The following ANKIB1 variants were observed in gnomAD, a reference collection of about 807,000 sequenced individuals.
ANKIB1 encodes ankyrin repeat and IBR domain-containing protein 1.
Under a neutral mutation model 122.1 loss-of-function variants are expected in ANKIB1, and 43 were observed. That is an observed-to-expected ratio of 0.35 (90% CI 0.28 to 0.45). ANKIB1 has a LOEUF of 0.45. ANKIB1 is among the 20% of genes least tolerant of loss of function. ANKIB1 has a pLI of 1.00. For synonymous variants in ANKIB1, 390 were observed against 442.0 expected, an observed-to-expected ratio of 0.88 and a Z score of 1.48; for missense variants, 992 against 1,329.5, an observed-to-expected ratio of 0.75 and a Z score of 3.95.
chr7:92,346,439 T>C (rs1803541468), intron 7 of ANKIB1, among the ~76,000 whole-genome samples: 1 of 152,170 alleles, frequency 6.6e-6, no homozygotes, highest in Non-Finnish European at 1.5e-5. Context: ...GTTTTCCAAA[T>C]TGGAGTAAGA....
chr7:92,263,722 A>G (rs187549897), intron 1 of ANKIB1, among the ~76,000 whole-genome samples: 1 of 152,346 alleles, frequency 6.6e-6, no homozygotes, highest in East Asian at 1.9e-4. Context: ...AGTTACCATT[A>G]TAGTCATCAA....
intron 1 of ANKIB1, among the ~76,000 whole-genome samples, chr7:92,282,510 G>C (rs1026285655): frequency 2.0e-5 from 3 of 152,088 alleles, no homozygotes; most frequent in African/African-American, 7.2e-5. Context: ...CTAATTCCAA[G>C]ATAAACCCTT....
At position 92,272,423 on chromosome 7, in the gene ANKIB1, A is replaced by C. The variant is rs545246133; in HGVS notation, c.-90-22466A>C. Among the ~76,000 whole-genome samples, 3 of 152,356 alleles carry C rather than the reference A, an allele frequency of 2.0e-5. No homozygotes were observed. In the East Asian group the frequency reaches 5.8e-4, roughly 29 times the overall value. ...TTGTCGAAGGAGAGAGTAGAAGAAA[A>C]GGACAAAAAAATTACCTTTAATTGT... On this transcript the variant is annotated intron_variant, in intron 1 of 19. Coordinates refer to ENST00000265742, the MANE Select transcript of ANKIB1 (RefSeq NM_019004.2).
chr7:92,362,714 A>G (rs1803980472), intron 10 of ANKIB1, among the ~76,000 whole-genome samples: 1 of 152,220 alleles, frequency 6.6e-6, no homozygotes, highest in Non-Finnish European at 1.5e-5. Context: ...AGATTTACTG[A>G]TGTTAAATAC....
chr7:92,249,945 AT>A (rs957358211), intron 1 of ANKIB1, among the ~76,000 whole-genome samples: 21 of 151,802 alleles, frequency 1.4e-4, no homozygotes, highest in African/African-American at 5.1e-4. Flanking sequence ...GTATTACTGG[AT>A]TTTTTTTTCT....
rs1365388806 is a variant in ANKIB1, at chr7:92,400,917, T to A, written c.*1968T>A. 6.6e-6 allele frequency: 1 copy of A among 152,234 alleles called. No homozygotes were observed. Among genetic ancestry groups the A allele is most frequent in the Non-Finnish European group, 1.5e-5 (1 of 68,040 alleles). The allele number at this position is 152,234 out of a possible 1,614,324, so 9.4% of individuals were successfully genotyped here. On this transcript the variant is annotated 3_prime_UTR_variant, in exon 20 of 20. Transcript: ENST00000265742. The stretch of plus-strand genomic sequence containing the variant: ...AACACCAATAAGTTTTTAGACCAAG[T>A]TGTAATTTTTCCAATATAGAGTCTT...
chr7:92,387,950 A>T (rs1156956799), intron 13 of ANKIB1, 25 bp from the exon 14 acceptor site: 17 of 1,598,220 alleles, frequency 1.1e-5, no homozygotes, highest in Non-Finnish European at 1.2e-5. Context: ...AGAATGGTTT[A>T]AATTCTTTAT....
intron 1 of ANKIB1, among the ~76,000 whole-genome samples, chr7:92,279,005 G>A (rs1372316856): frequency 1.3e-5 from 2 of 152,198 alleles, no homozygotes; most frequent in African/African-American, 4.8e-5. Flanking sequence ...CTTATGTGAA[G>A]ACAGTTTTTC....
At chr7:92,342,311 A>C (rs907573040) in intron 5 of ANKIB1, among the ~76,000 whole-genome samples, 3 of 152,196 alleles carry the variant, frequency 2.0e-5, no homozygotes, top group South Asian at 2.1e-4. Flanking sequence ...GGAATAAATG[A>C]AATTATGTAA....
At chr7:92,282,679 C>T (rs935301323) in intron 1 of ANKIB1, among the ~76,000 whole-genome samples, 5 of 152,160 alleles carry the variant, frequency 3.3e-5, no homozygotes, top group African/African-American at 1.2e-4. Context: ...TTTTCAGTCA[C>T]TGTATAAAAT....
At chr7:92,362,316 G>A (rs1180783025) in intron 10 of ANKIB1, 43 bp downstream of exon 10, 3 of 1,510,360 alleles carry the variant, frequency 2.0e-6, no homozygotes, top group South Asian at 1.2e-5. Flanking sequence ...TTTCCTGATA[G>A]CATTCAAAAG....
At chr7:92,317,751 A>G (rs1394574925) in intron 3 of ANKIB1, among the ~76,000 whole-genome samples, 1 of 152,164 alleles carries the variant, frequency 6.6e-6, no homozygotes, top group Non-Finnish European at 1.5e-5. Context: ...AACCGTGAGG[A>G]TTCCCGTTCC....
At chr7:92,310,438 C>T (rs780505206) in intron 3 of ANKIB1, among the ~76,000 whole-genome samples, 1 of 152,130 alleles carries the variant, frequency 6.6e-6, no homozygotes, top group Admixed American at 6.6e-5. Flanking sequence ...TATATATACT[C>T]TTGTCCAACC....
intron 1 of ANKIB1, among the ~76,000 whole-genome samples, chr7:92,278,747 A>C (rs931279869): frequency 3.3e-5 from 5 of 151,890 alleles, no homozygotes; most frequent in Non-Finnish European, 7.4e-5. Context: ...TAACTTCCCC[A>C]CTCTTTTTTT....
In ANKIB1 at chr7:92,310,343, C is replaced by T. The variant is rs118109716; in HGVS notation, c.486+2687C>T. 6.2e-3 allele frequency among the ~76,000 whole-genome samples: 949 copies of T among 152,048 alleles called. 6 individuals are homozygous for T. The highest frequency in any genetic ancestry group is 8.5e-3 in the Non-Finnish European group (581 of 67,976). On this transcript the variant is annotated intron_variant, in intron 3 of 19. Transcript: ENST00000265742. ...CATTCTAAAAGGAGCCCTATAAATA[C>T]CTTACATTTATTCTAGTTTTTTATA... is the stretch of plus-strand genomic sequence containing the variant.
intron 1 of ANKIB1, 90 bp from the exon 2 acceptor site, chr7:92,294,799 C>T: frequency 2.0e-6 from 1 of 497,198 alleles, no homozygotes. Flanking sequence ...TCGATGATTC[C>T]CAGATTTTTT....
chr7:92,293,344 T>A (rs890613922), intron 1 of ANKIB1, among the ~76,000 whole-genome samples: 9 of 152,128 alleles, frequency 5.9e-5, no homozygotes, highest in Admixed American at 5.2e-4. Context: ...TTCACCTGTG[T>A]TTGTTGTTGT....
At chr7:92,261,190 A>G (rs1476895246) in intron 1 of ANKIB1, among the ~76,000 whole-genome samples, 1 of 151,692 alleles carries the variant, frequency 6.6e-6, no homozygotes, top group Non-Finnish European at 1.5e-5. Flanking sequence ...TCTACTAAAA[A>G]TACAAAAAAT....
intron 4 of ANKIB1, among the ~76,000 whole-genome samples, chr7:92,321,566 T>C (rs1802912862): frequency 6.6e-6 from 1 of 152,194 alleles, no homozygotes; most frequent in African/African-American, 2.4e-5. Context: ...TCCATAGATA[T>C]TTCTTAAAGA....
Sources: allele counts gnomAD v4.1 joint callset (sites outside exome capture counted in the v4.1 genomes callset), GRCh38; gene constraint gnomAD v4.1.1; transcripts MANE v1.5; gene names NCBI Gene and HGNC (gene_info 2026-07-23, HGNC 2026-07-21).